Variants in VEGFC observed in about 807,000 individuals in gnomAD.
VEGFC encodes FLT4 ligand DHM.
A neutral mutation model predicts 46.1 loss-of-function variants in VEGFC; 12 were observed. The ratio of observed to expected loss-of-function variants is 0.26; its 90% CI spans 0.17 to 0.42. VEGFC has a LOEUF of 0.42. VEGFC is among the 10% of genes least tolerant of loss of function. VEGFC has a pLI of 1.00. For missense variants in VEGFC, 488 were observed against 529.4 expected (o/e 0.92, Z 0.77); for synonymous variants, 232 against 195.5 (o/e 1.19, Z -1.56).
chr4:176,762,801 TG>T (rs1480968069), intron 1 of VEGFC, among the ~76,000 whole-genome samples: 2 of 152,206 alleles, frequency 1.3e-5, no homozygotes, highest in African/African-American at 4.8e-5. Context: ...ATATTCACCC[TG>T]GAACAGTTGC....
intron 1 of VEGFC, among the ~76,000 whole-genome samples, chr4:176,776,495 G>C (rs1735815007): frequency 6.6e-6 from 1 of 152,174 alleles, no homozygotes; most frequent in Admixed American, 6.5e-5. Context: ...ATAAAAAGGA[G>C]CCAATGAAGA....
At chr4:176,728,066 A>C (rs1052932851) in intron 2 of VEGFC, 98 bp from the exon 3 acceptor site, 112 of 996,720 alleles carry the variant, frequency 1.1e-4, no homozygotes, top group Non-Finnish European at 1.5e-4. Context: ...TTCAGATTTT[A>C]ACATTTAAGT....
chr4:176,739,782 G>A (rs1341242385), intron 1 of VEGFC, among the ~76,000 whole-genome samples: 2 of 151,108 alleles, frequency 1.3e-5, no homozygotes, highest in Non-Finnish European at 3.0e-5. Flanking sequence ...GAAAATCAAA[G>A]AATAAGATGC....
chr4:176,762,406 C>A (rs1043023186), intron 1 of VEGFC, among the ~76,000 whole-genome samples: 2 of 152,194 alleles, frequency 1.3e-5, no homozygotes, highest in African/African-American at 4.8e-5. Context: ...TCCTCCCCTC[C>A]AGAGGACGCA....
At position 176,683,757 on chromosome 4, in the gene VEGFC, C is replaced by T; in HGVS notation, c.*169G>A. On this transcript the variant is annotated 3_prime_UTR_variant, in exon 7 of 7. Coordinates refer to ENST00000618562, the MANE Select transcript of VEGFC (RefSeq NM_005429.5). ...ACCAGTCTTTACAAGAGGCCTTTTG[C>T]AGATGAGCTCCAGTCCATTTCTGTA... is the stretch of plus-strand genomic sequence containing the variant. 2.2e-6 allele frequency: 1 copy of T among 459,694 alleles called. No individual in the cohort carries two copies. Among genetic ancestry groups the T allele is most frequent in the Non-Finnish European group, 3.8e-6 (1 of 260,750 alleles). 28.5% of individuals were successfully genotyped at this position (459,694 alleles called of 1,614,324 possible).
chr4:176,733,058 C>T (rs1734994256), intron 1 of VEGFC, among the ~76,000 whole-genome samples: 1 of 151,682 alleles, frequency 6.6e-6, no homozygotes, highest in Non-Finnish European at 1.5e-5. Context: ...TTATTAAAAC[C>T]TTAATAAGAC....
chr4:176,749,686 G>A (rs1381752512), intron 1 of VEGFC, among the ~76,000 whole-genome samples: 3 of 151,662 alleles, frequency 2.0e-5, no homozygotes, highest in Non-Finnish European at 4.4e-5. Flanking sequence ...TAAAATCTTA[G>A]AAAGTGGTCA....
At chr4:176,727,601 T>C (rs906575542) in intron 3 of VEGFC, among the ~76,000 whole-genome samples, 177 bp downstream of exon 3, 5 of 151,800 alleles carry the variant, frequency 3.3e-5, no homozygotes, top group Admixed American at 6.6e-5. Context: ...TTTGTGACAC[T>C]GTGTTGTCAA....
intron 3 of VEGFC, among the ~76,000 whole-genome samples, chr4:176,722,485 TTTGTTTTTTTTTTG>T (rs1734804357): frequency 3.2e-5 from 2 of 61,672 alleles, no homozygotes; most frequent in Non-Finnish European, 1.5e-4. Context: ...ATTTTTTTCT[TTTGTTTTTTTTTTG>T]TTTTTTTTTT....
At chr4:176,713,203 G>A (rs1734645221) in intron 3 of VEGFC, among the ~76,000 whole-genome samples, 1 of 152,098 alleles carries the variant, frequency 6.6e-6, no homozygotes, top group African/African-American at 2.4e-5. Context: ...TTCACTATGT[G>A]ACCTCAACAT....
At chr4:176,692,854 C>T (rs578237273) in intron 4 of VEGFC, among the ~76,000 whole-genome samples, 1 of 146,326 alleles carries the variant, frequency 6.8e-6, no homozygotes, top group Non-Finnish European at 1.5e-5. Context: ...GAGGCACCCC[C>T]CAGCAGGGGC....
At chr4:176,752,705 C>A (rs1432660754) in intron 1 of VEGFC, among the ~76,000 whole-genome samples, 2 of 152,012 alleles carry the variant, frequency 1.3e-5, no homozygotes, top group Non-Finnish European at 2.9e-5. Context: ...AACTTACACA[C>A]AAATCTAAGT....
Position 176,683,817 on chromosome 4 carries a change from T to A in VEGFC, c.*109A>T, listed in dbSNP as rs1579080336. 1 of 847,118 alleles carries A rather than the reference T, an allele frequency of 1.2e-6. No homozygotes were observed. The highest frequency in any genetic ancestry group is 1.7e-5 in the African/African-American group (1 of 59,304). 52.5% of individuals were successfully genotyped at this position (847,118 alleles called of 1,614,324 possible). A position where few individuals can be genotyped will look rare whatever the true frequency, so the allele number is the denominator to read the frequency against. On this transcript the variant is annotated 3_prime_UTR_variant, in exon 7 of 7. Transcript: ENST00000618562. ...ACATGGTTCAGGAAAGACAGACTTT[T>A]GTCTTTGTTAGCATGGACCCACAAG...
In VEGFC at chr4:176,711,549, G is replaced by A. The variant is rs750642281; in HGVS notation, c.654C>T (p.Tyr218=). 6.2e-7 allele frequency: 1 copy of A among 1,613,636 alleles called. No individual in the cohort carries two copies. The highest frequency in any genetic ancestry group is 1.1e-5 in the South Asian group (1 of 91,022). The change falls in exon 4 of 7, where the codon TAC becomes TAT. Residue 218 remains tyrosine (Y), a synonymous_variant. Coordinates refer to ENST00000618562, the MANE Select transcript of VEGFC (RefSeq NM_005429.5). The stretch of plus-strand genomic sequence containing the variant: ...GTCTAATAATGGAATGAACTTGTCT[G>A]TAAACATCCAGTTTAGACATGCATC... ...SCRCMSKLDV[Y]RQVHSIIRRS... is the part of the protein sequence containing the mutation.
Position 176,687,268 on chromosome 4 carries a change from G to A in VEGFC, c.1064C>T (p.Pro355Leu), listed in dbSNP as rs186096619. ...RTCPRNQPLN[P>L]GKCACECTES... ...TGTACATTCACAGGCACATTTTCCA[G>A]GATTTAGGGGTTGATTTCTGGGGCA... Residue 355 changes from proline (P) to leucine (L), a missense_variant, in exon 6 of 7, where the codon CCT becomes CTT. Pro to Leu is a moderately conservative substitution (Grantham distance 98). Transcript: ENST00000618562. 1 of 1,614,088 alleles carries A rather than the reference G, an allele frequency of 6.2e-7. No homozygotes were observed. Among genetic ancestry groups the A allele is most frequent in the South Asian group, 1.1e-5 (1 of 91,068 alleles).
chr4:176,786,003 C>T (rs1409982350), intron 1 of VEGFC, among the ~76,000 whole-genome samples: 2 of 152,176 alleles, frequency 1.3e-5, no homozygotes, highest in South Asian at 2.1e-4. Flanking sequence ...CCACTATCAT[C>T]GCCAGCAATC....
At chr4:176,685,834 T>C (rs1734032871) in intron 6 of VEGFC, among the ~76,000 whole-genome samples, 1 of 152,106 alleles carries the variant, frequency 6.6e-6, no homozygotes, top group African/African-American at 2.4e-5. Context: ...AAAAATATAA[T>C]CAATGAGATA....
chr4:176,790,694 G>A (rs1264289652), intron 1 of VEGFC, among the ~76,000 whole-genome samples: 1 of 152,120 alleles, frequency 6.6e-6, no homozygotes, highest in Admixed American at 6.5e-5. Context: ...CCAATACAGA[G>A]ATGTTGCCTT....
intron 1 of VEGFC, among the ~76,000 whole-genome samples, chr4:176,738,140 T>A (rs1735087142): frequency 6.6e-6 from 1 of 152,038 alleles, no homozygotes; most frequent in African/African-American, 2.4e-5. Context: ...AAGTAATTGA[T>A]AGATTCAATG....
Sources: gnomAD v4.1 joint callset for allele counts (sites outside exome capture counted in the v4.1 genomes callset) on GRCh38, gnomAD v4.1.1 for gene constraint, MANE v1.5 for transcripts, NCBI Gene and HGNC (gene_info 2026-07-23, HGNC 2026-07-21) for gene names.